PCDH19: variants seen among roughly 807,000 people sequenced by gnomAD.
PCDH19 encodes protocadherin 19.
PCDH19 carries 6 observed loss-of-function variants against 46.2 expected under a neutral mutation model. The observed-to-expected ratio is 0.13, with a 90% CI of 0.07 to 0.26. PCDH19 has a LOEUF of 0.26. Ranked by LOEUF, PCDH19 falls within the 10% of genes least tolerant of loss-of-function variation. PCDH19 has a pLI of 1.00. For missense variants in PCDH19, 740 were observed against 972.3 expected (o/e 0.76, Z 3.18); for synonymous variants, 481 against 415.7 (o/e 1.16, Z -1.91).
intron 3 of PCDH19, among the ~76,000 whole-genome samples, chrX:100,399,192 T>C (rs1928107909): frequency 8.9e-6 from 1 of 112,132 alleles, no homozygotes; most frequent in Admixed American, 9.4e-5. Context: ...GAGAAATTTC[T>C]ATAGAATCTT....
At chrX:100,350,937 T>C (rs1455604473) in intron 3 of PCDH19, among the ~76,000 whole-genome samples, 2 of 112,374 alleles carry the variant, frequency 1.8e-5, no homozygotes, top group East Asian at 2.8e-4. Flanking sequence ...CCCTAGAATA[T>C]GACTGGCTAC....
At chrX:100,324,272 G>C (rs1488111034) in intron 5 of PCDH19, among the ~76,000 whole-genome samples, 1 of 112,126 alleles carries the variant, frequency 8.9e-6, no homozygotes, top group Admixed American at 9.4e-5. Flanking sequence ...CAATAATTTT[G>C]TCTGAGATAG....
intron 5 of PCDH19, among the ~76,000 whole-genome samples, chrX:100,300,515 A>G (rs1924742493): frequency 8.9e-6 from 1 of 112,070 alleles, no homozygotes; most frequent in South Asian, 3.7e-4. Context: ...CTACATTTTT[A>G]TCTGAAAGTT....
rs772246553 is a variant in PCDH19, at chrX:100,347,047, C to T, written c.2675+3599G>A. On this transcript the variant is annotated intron_variant, in intron 4 of 5. Coordinates refer to ENST00000373034, the MANE Select transcript of PCDH19 (RefSeq NM_001184880.2). Reference sequence around the variant, plus strand: ...CCTCACATAAGCCTCCTTGGGTACACCTGCGGGTTGCAAGTGACAGTCTGG... The same window carrying T: ...CCTCACATAAGCCTCCTTGGGTACATCTGCGGGTTGCAAGTGACAGTCTGG... Among the ~76,000 whole-genome samples the T allele has an allele frequency of 2.1e-3, 227 of 110,273 alleles. 1 individual carries two copies. The highest frequency in any genetic ancestry group is 7.3e-3 in the African/African-American group (221 of 30,320).
At chrX:100,326,046 A>G (rs1925684668) in intron 5 of PCDH19, among the ~76,000 whole-genome samples, 2 of 112,895 alleles carry the variant, frequency 1.8e-5, no homozygotes, top group South Asian at 3.6e-4. Flanking sequence ...TTACATTAAT[A>G]TAAGAGAAAC....
At chrX:100,368,389 ACT>A (rs1927128944) in intron 3 of PCDH19, among the ~76,000 whole-genome samples, 1 of 111,153 alleles carries the variant, frequency 9.0e-6, no homozygotes. Flanking sequence ...GGTCAGTCCC[ACT>A]CTCTGTCAGC....
rs1380357181 is a variant in PCDH19, at chrX:100,407,911, G to A, written c.687C>T (p.Thr229=). Residue 229 remains threonine, a synonymous_variant, in exon 1 of 6, where the codon ACC becomes ACT. Coordinates refer to ENST00000373034, the MANE Select transcript of PCDH19 (RefSeq NM_001184880.2). ...ACACCGGGTTGTTGTCATTGGAGTCGGTCACCTTGATACTAAGGCCAACGG... is the reference window on the plus strand; with the variant it reads ...ACACCGGGTTGTTGTCATTGGAGTCAGTCACCTTGATACTAAGGCCAACGG... ...LGTVGLSIKV[T]DSNDNNPVFS... The A allele has an allele frequency of 1.7e-6, 2 of 1,211,815 alleles. No homozygotes were observed. The highest frequency in any genetic ancestry group is 2.2e-6 in the Non-Finnish European group (2 of 895,573).
chrX:100,384,813 T>C (rs771337545), intron 3 of PCDH19, among the ~76,000 whole-genome samples: 13 of 111,554 alleles, frequency 1.2e-4, no homozygotes, highest in Non-Finnish European at 2.4e-4. Context: ...TGTACATGCA[T>C]TTGTAATTTT....
intron 5 of PCDH19, among the ~76,000 whole-genome samples, chrX:100,304,410 A>T (rs756022485): frequency 1.8e-5 from 2 of 111,733 alleles, no homozygotes; most frequent in Admixed American, 1.9e-4. Flanking sequence ...GGGACAAAAG[A>T]ATATGAACAG....
intron 3 of PCDH19, among the ~76,000 whole-genome samples, chrX:100,379,755 A>C (rs968438674): frequency 8.9e-6 from 1 of 112,328 alleles, no homozygotes; most frequent in African/African-American, 3.2e-5. Context: ...CTATTTATCA[A>C]GAGTAGCCAA....
chrX:100,339,929 A>ATG (rs1926204888), intron 5 of PCDH19, among the ~76,000 whole-genome samples: 2 of 111,815 alleles, frequency 1.8e-5, no homozygotes, highest in African/African-American at 3.2e-5. Flanking sequence ...GTGTGTATGC[A>ATG]TGTGTGTGTG....
At chrX:100,387,546 A>C (rs746294787) in intron 3 of PCDH19, among the ~76,000 whole-genome samples, 1 of 111,881 alleles carries the variant, frequency 8.9e-6, no homozygotes, top group Admixed American at 9.5e-5. Flanking sequence ...ACTGAAAAAA[A>C]TATATTTTGC....
chrX:100,332,766 C>T (rs1329025185), intron 5 of PCDH19, among the ~76,000 whole-genome samples: 2 of 110,572 alleles, frequency 1.8e-5, no homozygotes, highest in East Asian at 2.9e-4. Flanking sequence ...AATCTTAGCA[C>T]TTTGGGAGGC....
chrX:100,298,819 G>A (rs921532421), intron 5 of PCDH19, among the ~76,000 whole-genome samples: 6 of 111,586 alleles, frequency 5.4e-5, no homozygotes, highest in Admixed American at 1.9e-4. Context: ...AGACTAAACA[G>A]TATGAGTGGA....
rs201266898 is a variant in PCDH19 at position 100,407,439 on chromosome X, G to A, written c.1159C>T (p.Arg387Cys). The change falls in exon 1 of 6, where the codon CGT (arginine) becomes TGT (cysteine). Residue 387 changes from arginine to cysteine, a missense_variant. Arg to Cys is a radical substitution (Grantham distance 180). Around this residue, in one of 5 missense-constraint regions of PCDH19, gnomAD observed 186 missense variants for 319.9 expected, o/e 0.58. Transcript: ENST00000373034. ...CGAAAGGGCACATTGCCCAGCAAAC[G>A]GCACTGCACACGTCCATTGAGGCCT... is the stretch of plus-strand genomic sequence containing the variant. The part of the protein sequence containing the change: ...DSGLNGRVQC[R>C]LLGNVPFRLQ... The A allele has an allele frequency of 8.3e-7, 1 of 1,210,757 alleles. No homozygotes were observed. The highest frequency in any genetic ancestry group is 1.1e-6 in the Non-Finnish European group (1 of 895,407).
rs781776414 is a variant in PCDH19 at position 100,408,064 on chromosome X, G to T, written c.534C>A (p.Ile178=). Reference sequence around the variant, plus strand: ...AGCGGGAGCCGTCGCCGCGCGTCTTGATCTCCAGGCCGAACAGCTCGTTGG... The same window carrying T: ...AGCGGGAGCCGTCGCCGCGCGTCTTTATCTCCAGGCCGAACAGCTCGTTGG... ...LTPNELFGLE[I]KTRGDGSRFA... The change falls in exon 1 of 6, where the codon ATC becomes ATA. Residue 178 remains isoleucine (I), a synonymous_variant. Transcript: ENST00000373034. 1.7e-6 allele frequency: 2 copies of T among 1,209,584 alleles called. No individual in the cohort carries two copies. Among genetic ancestry groups the T allele is most frequent in the South Asian group, 3.5e-5 (2 of 57,020 alleles).
chrX:100,295,525 C>T lies in PCDH19; in HGVS notation c.*752G>A, dbSNP rs370698591. 4.2e-4 allele frequency: 47 copies of T among 112,207 alleles called. No individual in the cohort carries two copies. Among genetic ancestry groups the T allele is most frequent in the African/African-American group, 1.5e-3 (47 of 30,915 alleles). 9.2% of individuals were successfully genotyped at this position (112,207 alleles called of 1,213,427 possible). On this transcript the variant is annotated 3_prime_UTR_variant, in exon 6 of 6. Coordinates refer to ENST00000373034, the MANE Select transcript of PCDH19 (RefSeq NM_001184880.2). ...ATGAGTTAAAAAACGTGAGTATTCTCCAAGTACTCAATCTATATGCATGGT... is the reference window on the plus strand; with the variant it reads ...ATGAGTTAAAAAACGTGAGTATTCTTCAAGTACTCAATCTATATGCATGGT...
intron 3 of PCDH19, among the ~76,000 whole-genome samples, chrX:100,384,026 T>C (rs1216256347): frequency 9.0e-6 from 1 of 111,588 alleles, no homozygotes; most frequent in African/African-American, 3.2e-5. Flanking sequence ...TCTAGGAAAA[T>C]GTTTTTTACA....
Position 100,408,678 on chromosome X carries a change from C to T in PCDH19, c.-81G>A. On this transcript the variant is annotated 5_prime_UTR_variant, in exon 1 of 6. Coordinates refer to ENST00000373034, the MANE Select transcript of PCDH19 (RefSeq NM_001184880.2). ...CGTCGGCGCTCCAGCTTCCCGCCGG[C>T]TCGGGCCGCCTGTTGCGCGCGCCCC... 2 of 891,510 alleles carry T rather than the reference C, an allele frequency of 2.2e-6. No individual in the cohort carries two copies. Among genetic ancestry groups the T allele is most frequent in the Admixed American group, 2.6e-5 (1 of 37,748 alleles). The allele number at this position is 891,510 out of a possible 1,213,427, so 73.5% of individuals were successfully genotyped here. A position where few individuals can be genotyped will look rare whatever the true frequency, so the allele number is the denominator to read the frequency against.
Sources: gnomAD v4.1 joint callset for allele counts (sites outside exome capture counted in the v4.1 genomes callset) on GRCh38, gnomAD v4.1.1 for gene constraint, gnomAD v4.1.1 regional missense constraint, MANE v1.5 for transcripts, NCBI Gene and HGNC (gene_info 2026-07-23, HGNC 2026-07-21) for gene names.